Variants in ANKRD11 observed in about 807,000 individuals in gnomAD.
ANKRD11 encodes the protein ankyrin repeat domain 11, also known as ankyrin repeat domain-containing protein 11.
Under a neutral mutation model 195.7 loss-of-function variants are expected in ANKRD11, and 17 were observed. That is an observed-to-expected ratio of 0.09 (90% confidence interval 0.06 to 0.13). The LOEUF (loss-of-function observed/expected upper bound fraction) is 0.13, where lower values mean the gene tolerates loss of function less well. ANKRD11 is among the 10% of genes least tolerant of loss of function. The probability of loss-of-function intolerance (pLI) is 1.00; values close to 1 mark genes in which losing one functional copy is unlikely to be tolerated. For missense variants in ANKRD11, 3,735 were observed against 3,566.1 expected, an observed-to-expected ratio of 1.05 and a Z score of -1.21; for synonymous variants, 1,953 against 1,528.1, an observed-to-expected ratio of 1.28 and a Z score of -6.49.
At chr16:89,405,074 C>T (rs16965692) in intron 2 of ANKRD11, among the ~76,000 whole-genome samples, 77,782 of 151,824 alleles carry the variant, frequency 0.51, 20,364 homozygotes, top group Middle Eastern at 0.72. Flanking sequence ...CCCCGTCACA[C>T]GCTCTCACAG....
intron 12 of ANKRD11, chr16:89,270,455 C>T: frequency 2.6e-6 from 1 of 378,468 alleles, no homozygotes; most frequent in Non-Finnish European, 5.1e-6. Flanking sequence ...TCCCCCGCCC[C>T]TGCCCACCGC....
intron 1 of ANKRD11, among the ~76,000 whole-genome samples, chr16:89,472,968 T>C (rs1451556745): frequency 6.6e-6 from 1 of 151,834 alleles, no homozygotes; most frequent in Admixed American, 6.6e-5. Flanking sequence ...GGCAGGAGGA[T>C]CACTTGAGCC....
chr16:89,444,443 T>C (rs2043686107), intron 1 of ANKRD11, among the ~76,000 whole-genome samples: 1 of 151,284 alleles, frequency 6.6e-6, no homozygotes, highest in African/African-American at 2.4e-5. Context: ...CGGCCTACTT[T>C]TGCAACGGGG....
At chr16:89,431,215 TG>T (rs1183239708) in intron 1 of ANKRD11, 2 of 152,398 alleles carry the variant, frequency 1.3e-5, no homozygotes, top group African/African-American at 4.8e-5. Flanking sequence ...AAGAGCAAGC[TG>T]GCCGGTGCGT....
Position 89,280,715 on chromosome 16 carries a change from T to C in ANKRD11, c.5827A>G (p.Ile1943Val). The C allele has an allele frequency of 6.2e-7, 1 of 1,612,976 alleles. No individual in the cohort carries two copies. Among genetic ancestry groups the C allele is most frequent in the South Asian group, 1.1e-5 (1 of 91,072 alleles). ...PLDEGPFSAVITEEPVEWAHP... is the reference protein window; with the variant it reads ...PLDEGPFSAVVTEEPVEWAHP... ...GCCCACTCAACGGGCTCCTCGGTGA[T>C]GACGGCGCTGAAGGGACCCTCGTCC... Residue 1943 changes from isoleucine to valine, a missense_variant, in exon 9 of 13, where the codon ATC becomes GTC. Coordinates refer to ENST00000301030, the MANE Select transcript of ANKRD11 (RefSeq NM_013275.6).
chr16:89,276,139 G>A (rs1040330733), intron 9 of ANKRD11, among the ~76,000 whole-genome samples: 9 of 152,188 alleles, frequency 5.9e-5, no homozygotes, highest in African/African-American at 1.4e-4. Context: ...GCAGGTGGAC[G>A]CACAAGAGGG....
chr16:89,472,490 C>T (rs1168738121), intron 1 of ANKRD11, among the ~76,000 whole-genome samples: 3 of 152,152 alleles, frequency 2.0e-5, no homozygotes, highest in African/African-American at 4.8e-5. Context: ...GAGCAGGACC[C>T]GAGTCACCAG....
chr16:89,470,949 T>C (rs1017262324), intron 1 of ANKRD11, among the ~76,000 whole-genome samples: 1 of 152,066 alleles, frequency 6.6e-6, no homozygotes, highest in Non-Finnish European at 1.5e-5. Context: ...GCTGAGATCA[T>C]GCCACTGCAC....
intron 1 of ANKRD11, among the ~76,000 whole-genome samples, chr16:89,463,583 T>C (rs1268741126): frequency 6.6e-6 from 1 of 152,146 alleles, no homozygotes; most frequent in Non-Finnish European, 1.5e-5. Context: ...CTTTGTTCAC[T>C]TGTTTATTTG....
At chr16:89,466,901 C>T (rs938839917) in intron 1 of ANKRD11, among the ~76,000 whole-genome samples, 15 of 152,146 alleles carry the variant, frequency 9.9e-5, no homozygotes, top group Non-Finnish European at 8.8e-5. Context: ...GGTCAGTGGC[C>T]GGAGATGAAA....
chr16:89,360,352 C>A (rs939164030), intron 2 of ANKRD11, among the ~76,000 whole-genome samples: 1 of 152,330 alleles, frequency 6.6e-6, no homozygotes, highest in Middle Eastern at 3.4e-3. Flanking sequence ...TCGAATTGGT[C>A]TCCCAAGTAG....
chr16:89,368,249 G>A (rs1007171107), intron 2 of ANKRD11, among the ~76,000 whole-genome samples: 1 of 151,156 alleles, frequency 6.6e-6, no homozygotes, highest in African/African-American at 2.4e-5. Flanking sequence ...AGGCCAGACT[G>A]CAGTGGCACA....
intron 11 of ANKRD11, 27 bp from the exon 12 acceptor site, chr16:89,270,936 A>C (rs1192816512): frequency 6.2e-7 from 1 of 1,611,996 alleles, no homozygotes; most frequent in South Asian, 1.1e-5. Flanking sequence ...CGGGAGTTTC[A>C]TCAGGAGCCC....
intron 2 of ANKRD11, among the ~76,000 whole-genome samples, chr16:89,332,245 A>G (rs1418716220): frequency 6.6e-6 from 1 of 152,206 alleles, no homozygotes; most frequent in Non-Finnish European, 1.5e-5. Context: ...TTACAAGCAG[A>G]CTATAAACAC....
At chr16:89,446,454 C>T (rs1299951789) in intron 1 of ANKRD11, among the ~76,000 whole-genome samples, 1 of 152,064 alleles carries the variant, frequency 6.6e-6, no homozygotes. Flanking sequence ...AAACACAAAA[C>T]TTATCCGGGT....
intron 2 of ANKRD11, among the ~76,000 whole-genome samples, chr16:89,411,934 C>G (rs2042125477): frequency 6.7e-6 from 1 of 149,500 alleles, no homozygotes; most frequent in Non-Finnish European, 1.5e-5. Context: ...AGATGCCTCC[C>G]AGAGTCTCCT....
chr16:89,282,172 T>C lies in ANKRD11; in HGVS notation c.4370A>G (p.Lys1457Arg). 1 of 1,614,124 alleles carries C rather than the reference T, an allele frequency of 6.2e-7. No individual in the cohort carries two copies. The highest frequency in any genetic ancestry group is 8.5e-7 in the Non-Finnish European group (1 of 1,180,022). ...GTGTTTCTCTCTCTTCTTCTTCTCT[T>C]TTAGGATGTTGATGGCACTAGATCC... ...PYGSSAINIL[K>R]EKKKREKHRE... The change falls in exon 9 of 13, where the codon AAA (lysine) becomes AGA (arginine). Residue 1457 changes from lysine to arginine, a missense_variant. Coordinates refer to ENST00000301030, the MANE Select transcript of ANKRD11 (RefSeq NM_013275.6).
intron 1 of ANKRD11, among the ~76,000 whole-genome samples, chr16:89,438,782 G>A (rs2043323673): frequency 6.6e-6 from 1 of 152,038 alleles, no homozygotes; most frequent in Admixed American, 6.6e-5. Context: ...GAGGTGGGAG[G>A]ACTGCTTGAT....
chr16:89,433,191 AGACAGTAAG>A (rs2043072180), intron 1 of ANKRD11, among the ~76,000 whole-genome samples: 1 of 152,216 alleles, frequency 6.6e-6, no homozygotes, highest in South Asian at 2.1e-4. Context: ...TGAAAAAGGA[AGACAGTAAG>A]GAGGCCTCCC....
Sources: gnomAD v4.1 joint callset for allele counts (sites outside exome capture counted in the v4.1 genomes callset) on GRCh38, gnomAD v4.1.1 for gene constraint, MANE v1.5 for transcripts, NCBI Gene and HGNC (gene_info 2026-07-23, HGNC 2026-07-21) for gene names.